The following SH3KBP1 variants were observed in gnomAD, a reference collection of about 807,000 sequenced individuals.
The protein encoded by SH3KBP1 is SH3 domain containing kinase binding protein 1.
Under a neutral mutation model 50.1 loss-of-function variants are expected in SH3KBP1, and 8 were observed. The ratio of observed to expected loss-of-function variants is 0.16; its 90% CI spans 0.09 to 0.29. SH3KBP1 has a LOEUF of 0.29. Among genes scored for constraint, SH3KBP1 ranks in the 10% least tolerant of loss-of-function variants. The pLI, the probability that SH3KBP1 is intolerant of heterozygous loss-of-function variation, is 1.00. For synonymous variants in SH3KBP1, 227 were observed against 218.6 expected (o/e 1.04, Z -0.34); for missense variants, 377 against 535.2 (o/e 0.70, Z 2.92).
chrX:19,586,635 G>C (rs2147961345), intron 12 of SH3KBP1, among the ~76,000 whole-genome samples: 1 of 111,497 alleles, frequency 9.0e-6, no homozygotes, highest in African/African-American at 3.3e-5. Context: ...ACATGGAGAG[G>C]CCTCACCAAC....
intron 1 of SH3KBP1, among the ~76,000 whole-genome samples, chrX:19,851,301 A>G (rs767969063): frequency 8.0e-5 from 9 of 111,999 alleles, no homozygotes; most frequent in African/African-American, 2.9e-4. Flanking sequence ...CTTCCTCATC[A>G]TTCACTGGGG....
intron 2 of SH3KBP1, among the ~76,000 whole-genome samples, chrX:19,805,308 C>G (rs768672695): frequency 1.8e-5 from 2 of 111,186 alleles, no homozygotes; most frequent in African/African-American, 6.6e-5. Context: ...AGCAGCAGAA[C>G]CTGCAAAATC....
chrX:19,761,846 A>G (rs973775730), intron 2 of SH3KBP1, among the ~76,000 whole-genome samples: 1 of 112,941 alleles, frequency 8.9e-6, no homozygotes, highest in Non-Finnish European at 1.9e-5. Context: ...CAAAAAATAC[A>G]TAACAAGAGG....
intron 6 of SH3KBP1, among the ~76,000 whole-genome samples, chrX:19,653,807 C>T (rs1477543973): frequency 1.0e-5 from 1 of 98,138 alleles, no homozygotes; most frequent in Admixed American, 1.1e-4. Flanking sequence ...CACACACACA[C>T]ACACACAGCT....
chrX:19,856,597 G>C (rs2068649392), intron 1 of SH3KBP1, among the ~76,000 whole-genome samples: 1 of 111,258 alleles, frequency 9.0e-6, no homozygotes, highest in South Asian at 3.8e-4. Flanking sequence ...CTCAGTTAAA[G>C]TTTCAAATAG....
intron 12 of SH3KBP1, among the ~76,000 whole-genome samples, chrX:19,572,657 G>T (rs1015196823): frequency 1.8e-5 from 2 of 109,745 alleles, no homozygotes; most frequent in African/African-American, 6.6e-5. Context: ...CCTCCCAAAT[G>T]GATTTTATGC....
chrX:19,808,662 A>C (rs1413614821), intron 2 of SH3KBP1, among the ~76,000 whole-genome samples: 2 of 111,510 alleles, frequency 1.8e-5, no homozygotes, highest in African/African-American at 6.5e-5. Flanking sequence ...AGCCTCCAGC[A>C]ATTTGTCAAA....
At chrX:19,724,739 TA>T (rs1280104697) in intron 3 of SH3KBP1, among the ~76,000 whole-genome samples, 21 of 112,779 alleles carry the variant, frequency 1.9e-4, no homozygotes, top group African/African-American at 6.8e-4. Context: ...AACCAGGGAA[TA>T]TTTTTTTAAA....
At position 19,865,467 on chromosome X, in the gene SH3KBP1, A is replaced by C. The variant is rs143539258; in HGVS notation, c.4+21840T>G. The stretch of plus-strand genomic sequence containing the variant: ...AGCCATGTGAAGGTCAGCACTCCCT[A>C]TTTCAATAGATTTGGATTCTCCTTC... On this transcript the variant is annotated intron_variant, in intron 1 of 17. Coordinates refer to ENST00000397821, the MANE Select transcript of SH3KBP1 (RefSeq NM_031892.3). Among the ~76,000 whole-genome samples, 995 of 112,013 alleles carry C rather than the reference A, an allele frequency of 8.9e-3. 15 individuals are homozygous for C. Among genetic ancestry groups the C allele is most frequent in the African/African-American group, 0.031 (941 of 30,771 alleles).
intron 2 of SH3KBP1, among the ~76,000 whole-genome samples, chrX:19,817,664 T>C (rs2067397461): frequency 8.9e-6 from 1 of 111,892 alleles, no homozygotes; most frequent in South Asian, 3.7e-4. Flanking sequence ...TGAGACAGTA[T>C]TGCTCTGTTG....
At chrX:19,778,176 T>C (rs1324792793) in intron 2 of SH3KBP1, among the ~76,000 whole-genome samples, 2 of 111,421 alleles carry the variant, frequency 1.8e-5, no homozygotes, top group African/African-American at 6.5e-5. Flanking sequence ...CTCACACCTG[T>C]AATCCCAGCA....
chrX:19,724,878 C>G (rs902828026), intron 3 of SH3KBP1, among the ~76,000 whole-genome samples: 1 of 111,471 alleles, frequency 9.0e-6, no homozygotes, highest in South Asian at 3.8e-4. Flanking sequence ...CAATAACAAC[C>G]ATGAGAGAGC....
At chrX:19,729,486 T>C (rs1222432390) in intron 3 of SH3KBP1, among the ~76,000 whole-genome samples, 1 of 112,495 alleles carries the variant, frequency 8.9e-6, no homozygotes, top group Non-Finnish European at 1.9e-5. Flanking sequence ...CACCTCCACC[T>C]GAGAGGATCA....
chrX:19,605,172 C>T (rs900183105), intron 9 of SH3KBP1, among the ~76,000 whole-genome samples: 4 of 110,554 alleles, frequency 3.6e-5, no homozygotes, highest in Admixed American at 9.6e-5. Context: ...ACTGCCCCCC[C>T]CCAAGACATG....
chrX:19,599,149 T>C (rs1285126113), intron 9 of SH3KBP1, among the ~76,000 whole-genome samples: 3 of 111,505 alleles, frequency 2.7e-5, no homozygotes, highest in African/African-American at 6.5e-5. Flanking sequence ...TCCTTGCTGG[T>C]CTGAATTTTT....
rs72090569 is a variant in SH3KBP1 at position 19,776,532 on chromosome X, G to GTTTTTTTTTTTT, written c.163-30103_163-30092dup. ...ATTCTAAATCTAGCTTGACAACCTGGTTTTTTTTTTTTTTTTTTTTTTTTT... is the reference window on the plus strand; with the variant it reads ...ATTCTAAATCTAGCTTGACAACCTGGTTTTTTTTTTTTTTTTTTTTTTTTTTTTTTTTTTTTT... On this transcript the variant is annotated intron_variant, in intron 2 of 17. Coordinates refer to ENST00000397821, the MANE Select transcript of SH3KBP1 (RefSeq NM_031892.3). 1.2e-3 allele frequency among the ~76,000 whole-genome samples: 31 copies of GTTTTTTTTTTTT among 25,683 alleles called. 3 individuals carry two copies. The highest frequency in any genetic ancestry group is 2.5e-3 in the African/African-American group (15 of 5,941). 22.3% of individuals were successfully genotyped at this position (25,683 alleles called of 115,157 possible).
chrX:19,757,249 C>A (rs1274478171), intron 2 of SH3KBP1, among the ~76,000 whole-genome samples: 1 of 104,624 alleles, frequency 9.6e-6, no homozygotes, highest in African/African-American at 3.5e-5. Flanking sequence ...AACTGGGTCA[C>A]GCAAACCTGC....
At chrX:19,564,322 C>T (rs1446205224) in intron 13 of SH3KBP1, among the ~76,000 whole-genome samples, 1 of 112,112 alleles carries the variant, frequency 8.9e-6, no homozygotes, top group African/African-American at 3.2e-5. Flanking sequence ...ATTACAATTG[C>T]TCTCTCTTGC....
intron 13 of SH3KBP1, among the ~76,000 whole-genome samples, chrX:19,555,288 T>C (rs759681797): frequency 8.9e-6 from 1 of 112,204 alleles, no homozygotes; most frequent in East Asian, 2.8e-4. Context: ...TTGGGCACGA[T>C]GGAGTTGGCT....
Sources: allele counts gnomAD v4.1 joint callset (sites outside exome capture counted in the v4.1 genomes callset), GRCh38; gene constraint gnomAD v4.1.1; transcripts MANE v1.5; gene names NCBI Gene and HGNC (gene_info 2026-07-23, HGNC 2026-07-21).